The following PCDHA9 variants were observed in gnomAD, a reference collection of about 807,000 sequenced individuals.
The protein encoded by PCDHA9 is protocadherin alpha-9.
Under a neutral mutation model 62.0 loss-of-function variants are expected in PCDHA9, and 62 were observed. The observed-to-expected ratio is 1.00, with a 90% CI of 0.81 to 1.23. The LOEUF (loss-of-function observed/expected upper bound fraction) is 1.23. PCDHA9 is among the 50% of genes most tolerant of loss of function. The pLI is 0.00. For missense variants in PCDHA9, 1,205 were observed against 1,249.8 expected, an observed-to-expected ratio of 0.96 and a Z score of 0.54; for synonymous variants, 557 against 567.6, an observed-to-expected ratio of 0.98 and a Z score of 0.27.
chr5:140,851,076 A>C (rs782314087), intron 1 of PCDHA9, 187 bp downstream of exon 1: 1 of 1,337,516 alleles, frequency 7.5e-7, no homozygotes, highest in Non-Finnish European at 9.8e-7. Flanking sequence ...AGAATTATAA[A>C]CTGTATATTA....
chr5:140,908,416 G>GGAAT (rs1303787034), intron 1 of PCDHA9, among the ~76,000 whole-genome samples: 1 of 152,152 alleles, frequency 6.6e-6, no homozygotes, highest in African/African-American at 2.4e-5. Flanking sequence ...ATTTGATGAT[G>GGAAT]GAATGCTGCT....
intron 1 of PCDHA9, among the ~76,000 whole-genome samples, chr5:140,891,954 G>C (rs782159289): frequency 4.6e-5 from 7 of 152,318 alleles, no homozygotes; most frequent in Admixed American, 6.5e-5. Flanking sequence ...CTCCAGAATT[G>C]TGAGAAGTAA....
At chr5:140,913,160 G>A (rs1437493261) in intron 1 of PCDHA9, among the ~76,000 whole-genome samples, 2 of 152,274 alleles carry the variant, frequency 1.3e-5, no homozygotes, top group East Asian at 3.9e-4. Flanking sequence ...AGTAGGATTG[G>A]TATTAGTTCT....
intron 3 of PCDHA9, among the ~76,000 whole-genome samples, chr5:140,989,714 A>T (rs2097355942): frequency 6.6e-6 from 1 of 152,202 alleles, no homozygotes; most frequent in Non-Finnish European, 1.5e-5. Context: ...AGAGGCAGTC[A>T]GCTTTGCAGT....
chr5:140,966,532 G>A (rs1418404048), intron 1 of PCDHA9: 7 of 447,876 alleles, frequency 1.6e-5, no homozygotes, highest in East Asian at 3.5e-5. Flanking sequence ...GAGCCGGGTT[G>A]AGCGACTCGG....
chr5:140,927,607 C>T, intron 1 of PCDHA9: 2 of 1,614,180 alleles, frequency 1.2e-6, no homozygotes, highest in Non-Finnish European at 8.5e-7. Flanking sequence ...CTCCGTATAC[C>T]GCACCAAGGT....
chr5:140,985,683 G>A (rs926848363), intron 3 of PCDHA9, among the ~76,000 whole-genome samples: 3 of 151,224 alleles, frequency 2.0e-5, no homozygotes, highest in African/African-American at 7.3e-5. Context: ...CCTGCCTTAC[G>A]CTAATCCTCG....
At chr5:140,919,643 C>CTA (rs1244015726) in intron 1 of PCDHA9, among the ~76,000 whole-genome samples, 7 of 152,192 alleles carry the variant, frequency 4.6e-5, no homozygotes, top group Non-Finnish European at 8.8e-5. Flanking sequence ...AGTAGTTTCT[C>CTA]TAGAGTTTAC....
intron 1 of PCDHA9, among the ~76,000 whole-genome samples, chr5:140,872,278 AAAGTT>A (rs2053578296): frequency 6.6e-6 from 1 of 152,138 alleles, no homozygotes; most frequent in Non-Finnish European, 1.5e-5. Context: ...TTTGAAGAAA[AAAGTT>A]AAGCCTTGCA....
At chr5:140,851,107 T>C in intron 1 of PCDHA9, 2 of 1,299,568 alleles carry the variant, frequency 1.5e-6, no homozygotes, top group Non-Finnish European at 2.0e-6. Context: ...TTTTGGGTGC[T>C]GAATCAATTT....
At chr5:140,910,357 T>C (rs1394310433) in intron 1 of PCDHA9, among the ~76,000 whole-genome samples, 3 of 152,226 alleles carry the variant, frequency 2.0e-5, no homozygotes, top group African/African-American at 7.2e-5. Flanking sequence ...CTGTCCATTA[T>C]GGTAGCTATG....
rs191251073 is a variant in PCDHA9, at chr5:140,928,748, G to A, written c.2395-50201G>A. 503 of 1,614,114 alleles carry A rather than the reference G, an allele frequency of 3.1e-4. 5 individuals carry two copies. The East Asian group carries it at 1.0e-2, about 32-fold the overall frequency. Reference sequence around the variant, plus strand: ...ATTTCAGCCAATATAGGTGAGCTCCGTACTGCTCGCTTAGTTCTTCCCACT... The same window carrying A: ...ATTTCAGCCAATATAGGTGAGCTCCATACTGCTCGCTTAGTTCTTCCCACT... On this transcript the variant is annotated intron_variant, in intron 1 of 3. Transcript: ENST00000532602.
intron 1 of PCDHA9, among the ~76,000 whole-genome samples, chr5:140,906,364 C>T (rs2072599872): frequency 6.6e-6 from 1 of 152,184 alleles, no homozygotes; most frequent in African/African-American, 2.4e-5. Context: ...ATTCCCAACC[C>T]AAATGCTATT....
intron 1 of PCDHA9, among the ~76,000 whole-genome samples, chr5:140,937,679 G>A (rs1357548421): frequency 5.9e-5 from 9 of 151,884 alleles, no homozygotes; most frequent in African/African-American, 1.9e-4. Context: ...TTGGGAGGCT[G>A]AGGCAGGCGG....
chr5:140,869,371 A>G (rs559164668), intron 1 of PCDHA9: 1 of 1,614,110 alleles, frequency 6.2e-7, no homozygotes, highest in East Asian at 2.2e-5. Flanking sequence ...GAATTCTCGG[A>G]TCGACCGCGA....
chr5:140,857,727 AC>A, intron 1 of PCDHA9: 1 of 1,597,294 alleles, frequency 6.3e-7, no homozygotes, highest in Non-Finnish European at 8.6e-7. Context: ...GAGAACGACA[AC>A]GCTCCCGCGC....
At position 140,849,582 on chromosome 5, in the gene PCDHA9, G is replaced by A. The variant is rs2150441329; in HGVS notation, c.1087G>A (p.Ala363Thr). The change falls in exon 1 of 4, where the codon GCA (alanine) becomes ACA (threonine). Residue 363 changes from alanine (A) to threonine (T), a missense_variant. Ala to Thr is a moderately conservative substitution (Grantham distance 58, BLOSUM62 0). This residue lies in a region of PCDHA9 where 887 missense variants were observed against 809.5 expected (regional missense o/e 1.10). Transcript: ENST00000532602. ...KTLSVPVKED[A>T]QLGTVIALIS... Reference sequence around the variant, plus strand: ...GCTCTCGGTTCCTGTAAAAGAGGACGCACAACTGGGGACAGTTATTGCCCT... The same window carrying A: ...GCTCTCGGTTCCTGTAAAAGAGGACACACAACTGGGGACAGTTATTGCCCT... 80 of 1,598,576 alleles carry A rather than the reference G, an allele frequency of 5.0e-5. 10 individuals are homozygous for A. Among genetic ancestry groups the A allele is most frequent in the Non-Finnish European group, 6.6e-5 (77 of 1,167,978 alleles).
intron 1 of PCDHA9, among the ~76,000 whole-genome samples, chr5:140,947,169 G>GTA (rs1235035694): frequency 1.3e-5 from 2 of 150,968 alleles, no homozygotes; most frequent in Non-Finnish European, 3.0e-5. Context: ...AGAAAATGTG[G>GTA]TATATATTCA....
intron 1 of PCDHA9, among the ~76,000 whole-genome samples, chr5:140,889,903 A>G (rs2062424264): frequency 6.6e-6 from 1 of 152,126 alleles, no homozygotes; most frequent in African/African-American, 2.4e-5. Flanking sequence ...CTACCTTGAG[A>G]TTGTCATACT....
Sources: allele counts gnomAD v4.1 joint callset (sites outside exome capture counted in the v4.1 genomes callset), GRCh38; gene constraint gnomAD v4.1.1; regional missense constraint gnomAD v4.1.1; transcripts MANE v1.5; gene names NCBI Gene and HGNC (gene_info 2026-07-23, HGNC 2026-07-21).